PDK1: variants seen among roughly 807,000 people sequenced by gnomAD.
PDK1 encodes [Pyruvate dehydrogenase (acetyl-transferring)] kinase isozyme 1, mitochondrial.
A neutral mutation model predicts 54.2 loss-of-function variants in PDK1; 39 were observed. That is an observed-to-expected ratio of 0.72 (90% CI 0.56 to 0.94). PDK1 has a LOEUF of 0.94. Among genes scored for constraint, PDK1 ranks in the 40% least tolerant of loss-of-function variants. The pLI, the probability that PDK1 is intolerant of heterozygous loss-of-function variation, is 0.00. For synonymous variants in PDK1, 221 were observed against 207.1 expected (o/e 1.07, Z -0.58); for missense variants, 552 against 566.0 (o/e 0.98, Z 0.25).
chr2:172,699,304 TC>T, the PDK1 span, among the ~76,000 whole-genome samples: 1 of 152,206 alleles, frequency 6.6e-6, no homozygotes, highest in South Asian at 2.1e-4. Flanking sequence ...ATATTCCTTA[TC>T]AAGAGAATAA....
the PDK1 span, among the ~76,000 whole-genome samples, chr2:172,664,007 T>C: frequency 1.3e-4 from 20 of 150,228 alleles, no homozygotes; most frequent in Admixed American, 1.2e-3. Flanking sequence ...ATGAGGTTAG[T>C]AAGCTTTTTA....
chr2:172,697,433 G>A, the PDK1 span, among the ~76,000 whole-genome samples: 2 of 152,168 alleles, frequency 1.3e-5, no homozygotes, highest in Admixed American at 1.3e-4. Flanking sequence ...TTCAAGAAGT[G>A]TATTTCTTAT....
chr2:172,596,098 G>T lies in PDK1; in HGVS notation c.*129G>T. The T allele has an allele frequency of 1.3e-6, 1 of 781,430 alleles. No homozygotes were observed. The highest frequency in any genetic ancestry group is 2.0e-6 in the Non-Finnish European group (1 of 508,694). The allele number at this position is 781,430 out of a possible 1,614,324, so 48.4% of individuals were successfully genotyped here. ...ACAAAACTATTTGAGTAGAATAAAT[G>T]GAAACTGAATTCCATTTGTGCCCGT... On this transcript the variant is annotated 3_prime_UTR_variant, in exon 11 of 11. Coordinates refer to ENST00000282077, the MANE Select transcript of PDK1 (RefSeq NM_002610.5).
At chr2:172,612,743 C>T (rs1691502094), downstream of PDK1, among the ~76,000 whole-genome samples, 1 of 152,112 alleles carries the variant, frequency 6.6e-6, no homozygotes, top group African/African-American at 2.4e-5. Context: ...TCTCAGCCCA[C>T]TGCAACCTCT....
Position 172,599,308 on chromosome 2 carries a change from A to C in PDK1, c.*3339A>C, listed in dbSNP as rs752173737. 1 of 152,216 alleles carries C rather than the reference A, an allele frequency of 6.6e-6. No individual in the cohort carries two copies. The highest frequency in any genetic ancestry group is 1.5e-5 in the Non-Finnish European group (1 of 68,024). The allele number at this position is 152,216 out of a possible 1,614,324, so 9.4% of individuals were successfully genotyped here. The stretch of plus-strand genomic sequence containing the variant: ...CAATTTCCCTTCATTGTTGAAGCCA[A>C]CAAGTTCCGTAACAGAACTCCAGAG... On this transcript the variant is annotated 3_prime_UTR_variant, in exon 11 of 11. Transcript: ENST00000282077.
the PDK1 span, among the ~76,000 whole-genome samples, chr2:172,683,269 C>T: frequency 2.3e-4 from 35 of 151,494 alleles, no homozygotes; most frequent in Middle Eastern, 0.01. Flanking sequence ...ATGGCATCAA[C>T]CCAGGAGGCG....
At chr2:172,613,181 A>T (rs1406436305), downstream of PDK1, among the ~76,000 whole-genome samples, 1 of 152,224 alleles carries the variant, frequency 6.6e-6, no homozygotes. Flanking sequence ...AAGACTGCCC[A>T]TGAGGACACC....
chr2:172,700,708 G>C, the PDK1 span, among the ~76,000 whole-genome samples: 3 of 152,256 alleles, frequency 2.0e-5, no homozygotes, highest in Non-Finnish European at 4.4e-5. Flanking sequence ...CTCCAGCCTG[G>C]GCAACATTGA....
At chr2:172,714,218 T>C in the PDK1 span, among the ~76,000 whole-genome samples, 1 of 152,220 alleles carries the variant, frequency 6.6e-6, no homozygotes, top group Non-Finnish European at 1.5e-5. Context: ...ACAAAAGATA[T>C]AAATATTGAC....
the PDK1 span, among the ~76,000 whole-genome samples, chr2:172,694,898 C>T: frequency 3.3e-5 from 5 of 152,154 alleles, no homozygotes. Flanking sequence ...GGGTGGATCA[C>T]TTGAGGTCAG....
At chr2:172,631,787 C>G in the PDK1 span, among the ~76,000 whole-genome samples, 1 of 152,062 alleles carries the variant, frequency 6.6e-6, no homozygotes, top group Admixed American at 6.6e-5. Flanking sequence ...CAATATCAAC[C>G]CAACTGTCTC....
chr2:172,633,450 C>A, the PDK1 span, among the ~76,000 whole-genome samples: 1 of 134,908 alleles, frequency 7.4e-6, no homozygotes, highest in Non-Finnish European at 1.5e-5. Flanking sequence ...CAAAACTGAT[C>A]ATTTTCTAGA....
the PDK1 span, among the ~76,000 whole-genome samples, chr2:172,636,645 T>C: frequency 4.7e-5 from 7 of 149,676 alleles, no homozygotes; most frequent in Admixed American, 6.7e-5. Flanking sequence ...CGCTTGAACC[T>C]GGGAGGTGGA....
At chr2:172,583,776 A>C (rs1295098638) in intron 8 of PDK1, among the ~76,000 whole-genome samples, 1 of 152,138 alleles carries the variant, frequency 6.6e-6, no homozygotes, top group Non-Finnish European at 1.5e-5. Context: ...ATTTTTAAAT[A>C]TATAAAAACT....
chr2:172,662,493 C>CGT, the PDK1 span, among the ~76,000 whole-genome samples: 8,987 of 143,586 alleles, frequency 0.063, 449 homozygotes, highest in East Asian at 0.23. Flanking sequence ...TTTTTAAAAT[C>CGT]GTGTGTGTGT....
At chr2:172,705,170 G>A in the PDK1 span, among the ~76,000 whole-genome samples, 1 of 152,126 alleles carries the variant, frequency 6.6e-6, no homozygotes, top group Non-Finnish European at 1.5e-5. Flanking sequence ...TGTATAAAAT[G>A]TACAAAAAAA....
rs1185861585 is a variant in PDK1 at position 172,601,604 on chromosome 2, C to T, written c.*5635C>T. On this transcript the variant is annotated 3_prime_UTR_variant, in exon 11 of 11. Coordinates refer to ENST00000282077, the MANE Select transcript of PDK1 (RefSeq NM_002610.5). ...GTGAGTTTCTGGAGGCTTCTGCAGC[C>T]TTGCGGAACTGTGAGTCAATCCTTT... 6.6e-6 allele frequency: 1 copy of T among 152,208 alleles called. No individual in the cohort carries two copies. Among genetic ancestry groups the T allele is most frequent in the African/African-American group, 2.4e-5 (1 of 41,436 alleles). 9.4% of individuals were successfully genotyped at this position (152,208 alleles called of 1,614,324 possible).
rs1444945821 is a variant in PDK1, at chr2:172,599,583, C to T, written c.*3614C>T. 1 of 152,070 alleles carries T rather than the reference C, an allele frequency of 6.6e-6. No homozygotes were observed. The highest frequency in any genetic ancestry group is 1.5e-5 in the Non-Finnish European group (1 of 68,004). 9.4% of individuals were successfully genotyped at this position (152,070 alleles called of 1,614,324 possible). A position where few individuals can be genotyped will look rare whatever the true frequency, so the allele number is the denominator to read the frequency against. On this transcript the variant is annotated 3_prime_UTR_variant, in exon 11 of 11. Coordinates refer to ENST00000282077, the MANE Select transcript of PDK1 (RefSeq NM_002610.5). The stretch of plus-strand genomic sequence containing the variant: ...TAATTAATTTTCTTACAGTCAAACC[C>T]AATGCACTTGAAAAATAATATAATT...
the PDK1 span, among the ~76,000 whole-genome samples, chr2:172,711,873 AAAAAAAAAAAAAAAAAAAAAG>A: frequency 6.7e-6 from 1 of 148,300 alleles, no homozygotes; most frequent in Non-Finnish European, 1.5e-5. Context: ...CTCAAAAAAA[AAAAAAAAAAAAAAAAAAAAAG>A]AGTTCCCTTT....
Sources: gnomAD v4.1 joint callset for allele counts (sites outside exome capture counted in the v4.1 genomes callset) on GRCh38, gnomAD v4.1.1 for gene constraint, MANE v1.5 for transcripts, NCBI Gene and HGNC (gene_info 2026-07-23, HGNC 2026-07-21) for gene names.